CSMD1: variants seen among roughly 807,000 people sequenced by gnomAD.
CSMD1 encodes the protein CUB and Sushi multiple domains 1, also known as CUB and sushi domain-containing protein 1.
A neutral mutation model predicts 417.5 loss-of-function variants in CSMD1; 213 were observed. The observed-to-expected ratio is 0.51, with a 90% CI of 0.46 to 0.57. The LOEUF is 0.57. Among genes scored for constraint, CSMD1 ranks in the 20% least tolerant of loss-of-function variants. CSMD1 has a pLI of 0.00. For missense variants in CSMD1, 6,923 were observed against 4,529.7 expected (o/e 1.53, Z -15.17); for synonymous variants, 2,862 against 1,736.8 (o/e 1.65, Z -16.11).
chr8:4,115,554 T>G (rs1341672282), intron 3 of CSMD1, among the ~76,000 whole-genome samples: 1 of 152,194 alleles, frequency 6.6e-6, no homozygotes, highest in African/African-American at 2.4e-5. Flanking sequence ...AATTCATAAT[T>G]TATTATTTGG....
intron 2 of CSMD1, among the ~76,000 whole-genome samples, chr8:4,471,789 A>G (rs1800551404): frequency 1.3e-5 from 2 of 152,158 alleles, no homozygotes; most frequent in African/African-American, 4.8e-5. Context: ...GAGGAGCAAT[A>G]TATAGATGTT....
intron 37 of CSMD1, among the ~76,000 whole-genome samples, chr8:3,165,486 C>A (rs537466869): frequency 2.7e-4 from 41 of 151,898 alleles, no homozygotes; most frequent in Non-Finnish European, 5.4e-4. Flanking sequence ...GGCTGGAGTG[C>A]AGTGGTGTGA....
At chr8:3,350,302 C>T (rs980754687) in intron 21 of CSMD1, among the ~76,000 whole-genome samples, 2 of 148,238 alleles carry the variant, frequency 1.3e-5, no homozygotes, top group African/African-American at 2.5e-5. Context: ...GTTATAATAC[C>T]TATAATAACC....
chr8:4,234,295 C>G (rs1040617667), intron 3 of CSMD1, among the ~76,000 whole-genome samples: 2 of 152,144 alleles, frequency 1.3e-5, no homozygotes, highest in Non-Finnish European at 2.9e-5. Flanking sequence ...TGGGACCCAT[C>G]CATAGAGCTG....
intron 5 of CSMD1, among the ~76,000 whole-genome samples, chr8:3,767,023 G>T (rs1261960376): frequency 1.3e-5 from 2 of 152,166 alleles, no homozygotes; most frequent in South Asian, 2.1e-4. Context: ...GATCATATGA[G>T]CTCTCATAAC....
At chr8:4,668,415 CATT>C (rs35735246) in intron 1 of CSMD1, among the ~76,000 whole-genome samples, 17,367 of 129,784 alleles carry the variant, frequency 0.13, 1,114 homozygotes, top group African/African-American at 0.17. Flanking sequence ...TGATGTTTTC[CATT>C]ATTATTATTA....
chr8:3,042,453 T>C (rs11988754), intron 50 of CSMD1, among the ~76,000 whole-genome samples: 10,082 of 152,226 alleles, frequency 0.066, 1,091 homozygotes, highest in African/African-American at 0.23. Flanking sequence ...CATCTGCACA[T>C]GATGATGATG....
At chr8:4,763,514 G>T (rs914020459) in intron 1 of CSMD1, among the ~76,000 whole-genome samples, 1 of 152,072 alleles carries the variant, frequency 6.6e-6, no homozygotes, top group Non-Finnish European at 1.5e-5. Flanking sequence ...TTCTTATAAT[G>T]TATCAACCAT....
rs1447013688 is a variant in CSMD1, at chr8:3,777,586, C to G, written c.819-23544G>C. Among the ~76,000 whole-genome samples, 3 of 152,178 alleles carry G rather than the reference C, an allele frequency of 2.0e-5. No homozygotes were observed. In the East Asian group the frequency reaches 5.8e-4, roughly 29 times the overall value. On this transcript the variant is annotated intron_variant, in intron 5 of 69. Transcript: ENST00000635120. Reference sequence around the variant, plus strand: ...AGTCCACAGGAGACAAGCTGCCATACGGAAGCAGTCTCAGAATGAGATGCC... The same window carrying G: ...AGTCCACAGGAGACAAGCTGCCATAGGGAAGCAGTCTCAGAATGAGATGCC...
At chr8:3,711,007 C>A (rs1801477432) in intron 6 of CSMD1, among the ~76,000 whole-genome samples, 2 of 152,112 alleles carry the variant, frequency 1.3e-5, no homozygotes, top group Non-Finnish European at 2.9e-5. Context: ...TTGGACTTCC[C>A]AGTATCAAGA....
chr8:3,954,232 G>T (rs772193835), intron 5 of CSMD1, among the ~76,000 whole-genome samples: 1 of 152,222 alleles, frequency 6.6e-6, no homozygotes, highest in Non-Finnish European at 1.5e-5. Flanking sequence ...ACCCAGGCAA[G>T]TCCAGAGCAG....
chr8:3,291,497 T>C (rs1803556264), intron 25 of CSMD1, among the ~76,000 whole-genome samples: 1 of 152,216 alleles, frequency 6.6e-6, no homozygotes, highest in African/African-American at 2.4e-5. Context: ...ATTGCCTCAA[T>C]TTCAGACCCT....
intron 3 of CSMD1, among the ~76,000 whole-genome samples, chr8:4,287,707 A>C (rs184017405): frequency 6.7e-6 from 1 of 148,638 alleles, no homozygotes; most frequent in African/African-American, 2.4e-5. Flanking sequence ...TAAGTGTATG[A>C]AAGAGAGGGT....
chr8:4,107,346 C>G (rs921993982), intron 3 of CSMD1, among the ~76,000 whole-genome samples: 8 of 152,160 alleles, frequency 5.3e-5, no homozygotes, highest in Admixed American at 4.6e-4. Flanking sequence ...GAATAAAGCT[C>G]CTTACAAAGC....
chr8:3,300,341 A>G (rs992568614), intron 25 of CSMD1, among the ~76,000 whole-genome samples: 3 of 151,156 alleles, frequency 2.0e-5, no homozygotes, highest in African/African-American at 4.9e-5. Flanking sequence ...GTTTAAGATT[A>G]CAGAAAACTA....
At chr8:4,117,912 G>C (rs918117188) in intron 3 of CSMD1, among the ~76,000 whole-genome samples, 3 of 121,368 alleles carry the variant, frequency 2.5e-5, no homozygotes, top group African/African-American at 6.3e-5. Context: ...TAAAACTAGA[G>C]AAAGAAATTT....
intron 7 of CSMD1, among the ~76,000 whole-genome samples, chr8:3,662,484 G>A (rs977491291): frequency 1.3e-5 from 2 of 152,116 alleles, no homozygotes; most frequent in African/African-American, 2.4e-5. Context: ...ATTGTAAATA[G>A]TGCTGCAATA....
chr8:3,498,305 T>C (rs943549266), intron 10 of CSMD1, among the ~76,000 whole-genome samples: 1 of 152,210 alleles, frequency 6.6e-6, no homozygotes, highest in Non-Finnish European at 1.5e-5. Context: ...GAGGTATATG[T>C]GGTACTTTGA....
chr8:4,740,655 G>T (rs777552234), intron 1 of CSMD1, among the ~76,000 whole-genome samples: 2 of 152,150 alleles, frequency 1.3e-5, no homozygotes, highest in Non-Finnish European at 2.9e-5. Flanking sequence ...CAGCTCTCTG[G>T]CTTTTCACTA....
Sources: allele counts gnomAD v4.1 joint callset (sites outside exome capture counted in the v4.1 genomes callset), GRCh38; gene constraint gnomAD v4.1.1; transcripts MANE v1.5; gene names NCBI Gene and HGNC (gene_info 2026-07-23, HGNC 2026-07-21).